Variants in LIMS1 observed in about 807,000 individuals in gnomAD.
The protein encoded by LIMS1 is LIM zinc finger domain containing 1.
LIMS1 carries 18 observed loss-of-function variants against 44.1 expected under a neutral mutation model. The observed-to-expected ratio is 0.41, with a 90% CI of 0.28 to 0.61. The LOEUF (loss-of-function observed/expected upper bound fraction) is 0.61. Ranked by LOEUF, LIMS1 falls within the 20% of genes least tolerant of loss-of-function variation. The pLI, the probability that LIMS1 is intolerant of heterozygous loss-of-function variation, is 0.32. For missense variants in LIMS1, 201 were observed against 422.0 expected, an observed-to-expected ratio of 0.48 and a Z score of 4.59; for synonymous variants, 93 against 149.1, an observed-to-expected ratio of 0.62 and a Z score of 2.74.
At chr2:108,557,407 G>A (rs1022207626) in intron 1 of LIMS1, among the ~76,000 whole-genome samples, 2 of 151,612 alleles carry the variant, frequency 1.3e-5, no homozygotes, top group African/African-American at 4.9e-5. Flanking sequence ...ATTTTCATTG[G>A]TTGAGAGGAC....
chr2:108,614,967 T>A (rs923586379), intron 1 of LIMS1, among the ~76,000 whole-genome samples: 4 of 152,214 alleles, frequency 2.6e-5, no homozygotes. Context: ...AGCTTGCAAG[T>A]AACTGTTACA....
At chr2:108,563,370 C>T (rs1448044095) in intron 1 of LIMS1, among the ~76,000 whole-genome samples, 2 of 152,170 alleles carry the variant, frequency 1.3e-5, no homozygotes, top group Non-Finnish European at 2.9e-5. Flanking sequence ...ATTCACCATT[C>T]TTCTTGCCAT....
chr2:108,667,174 G>C (rs1414030431), intron 2 of LIMS1, among the ~76,000 whole-genome samples: 1 of 152,098 alleles, frequency 6.6e-6, no homozygotes, highest in African/African-American at 2.4e-5. Context: ...TGCCAGTCAG[G>C]AGGCACCTCA....
intron 1 of LIMS1, among the ~76,000 whole-genome samples, chr2:108,607,791 T>C (rs917836417): frequency 1.3e-5 from 2 of 152,322 alleles, no homozygotes; most frequent in African/African-American, 4.8e-5. Flanking sequence ...ATTTTAATAT[T>C]GGTTATGTAT....
At chr2:108,684,261 G>T in exon 10 of LIMS1, 1 of 182,822 alleles carries the variant, frequency 5.5e-6, no homozygotes, top group Admixed American at 6.2e-5. Context: ...ATGGTTAAAT[G>T]TTAAATTTTA....
intron 1 of LIMS1, among the ~76,000 whole-genome samples, chr2:108,626,513 C>T (rs145539856): frequency 4.6e-5 from 7 of 152,210 alleles, no homozygotes; most frequent in Non-Finnish European, 1.0e-4. Context: ...TTACAGACCC[C>T]CTCTTCACCC....
chr2:108,543,818 G>A (rs1684393308), intron 1 of LIMS1, among the ~76,000 whole-genome samples: 1 of 152,186 alleles, frequency 6.6e-6, no homozygotes, highest in South Asian at 2.1e-4. Flanking sequence ...CCTTCTCCCT[G>A]TAACTGGTTG....
At chr2:108,638,771 C>T (rs1689454138) in intron 1 of LIMS1, among the ~76,000 whole-genome samples, 1 of 150,304 alleles carries the variant, frequency 6.7e-6, no homozygotes, top group African/African-American at 2.5e-5. Flanking sequence ...AGGCTGGGCA[C>T]GGTGGCTCAC....
At chr2:108,599,437 C>T (rs908584743) in intron 1 of LIMS1, among the ~76,000 whole-genome samples, 7 of 152,166 alleles carry the variant, frequency 4.6e-5, no homozygotes, top group Non-Finnish European at 7.3e-5. Context: ...TTTATCCACT[C>T]ATCTGTTGAT....
intron 1 of LIMS1, among the ~76,000 whole-genome samples, chr2:108,569,764 C>CTTTTTTTTTTTTTTTTTTTT (rs10596766): frequency 7.1e-5 from 8 of 113,126 alleles, no homozygotes; most frequent in East Asian, 3.3e-4. Context: ...CCATATCTGG[C>CTTTTTTTTTTTTTTTTTTTT]TTTTTTTTTT....
intron 2 of LIMS1, among the ~76,000 whole-genome samples, chr2:108,668,544 ATTC>A (rs1691948455): frequency 6.6e-6 from 1 of 152,196 alleles, no homozygotes; most frequent in Non-Finnish European, 1.5e-5. Context: ...ACAGGATCTC[ATTC>A]TTTTTTATGG....
At chr2:108,682,690 G>A (rs1693085383) in intron 9 of LIMS1, among the ~76,000 whole-genome samples, 1 of 152,104 alleles carries the variant, frequency 6.6e-6, no homozygotes, top group Non-Finnish European at 1.5e-5. Flanking sequence ...TTTCATTTTA[G>A]ATATGTGTTT....
intron 1 of LIMS1, among the ~76,000 whole-genome samples, chr2:108,606,889 A>G (rs1687299041): frequency 6.6e-6 from 1 of 152,230 alleles, no homozygotes; most frequent in South Asian, 2.1e-4. Context: ...AAATTAAAAT[A>G]TAGCACAATT....
At chr2:108,575,576 C>G (rs1044782742) in intron 1 of LIMS1, among the ~76,000 whole-genome samples, 1 of 152,150 alleles carries the variant, frequency 6.6e-6, no homozygotes, top group Admixed American at 6.5e-5. Context: ...CTCCAAATTC[C>G]TGCATTTGTC....
At chr2:108,685,742 C>T (rs984180834) in exon 10 of LIMS1, 1 of 152,120 alleles carries the variant, frequency 6.6e-6, no homozygotes, top group Non-Finnish European at 1.5e-5. Context: ...GTGCCTTTGT[C>T]AGCTAATATG....
intron 1 of LIMS1, among the ~76,000 whole-genome samples, chr2:108,643,485 G>A (rs986666748): frequency 2.0e-5 from 3 of 152,104 alleles, no homozygotes; most frequent in East Asian, 1.9e-4. Context: ...CACGGTCTTC[G>A]CAACCCACAG....
intron 1 of LIMS1, among the ~76,000 whole-genome samples, chr2:108,598,517 A>G (rs1445224687): frequency 6.6e-6 from 1 of 152,128 alleles, no homozygotes; most frequent in Admixed American, 6.5e-5. Flanking sequence ...GAAAACAGCT[A>G]GTTCGATATT....
chr2:108,550,825 A>AAAAAG (rs1684662223), intron 1 of LIMS1, among the ~76,000 whole-genome samples: 1 of 150,902 alleles, frequency 6.6e-6, no homozygotes, highest in Non-Finnish European at 1.5e-5. Flanking sequence ...CAAAAAAAAA[A>AAAAAG]AAACCCAGCT....
intron 1 of LIMS1, chr2:108,588,459 G>T (rs1205844941): frequency 4.1e-6 from 4 of 985,470 alleles, no homozygotes; most frequent in African/African-American, 1.7e-5. Context: ...CAGGAGGGAG[G>T]TTCTTTACTC....
Sources: gnomAD v4.1 joint callset for allele counts (sites outside exome capture counted in the v4.1 genomes callset) on GRCh38, gnomAD v4.1.1 for gene constraint, MANE v1.5 for transcripts, NCBI Gene and HGNC (gene_info 2026-07-23, HGNC 2026-07-21) for gene names.